Variants in CEP112 observed in about 807,000 individuals in gnomAD.
CEP112 encodes the protein centrosomal protein 112.
A neutral mutation model predicts 153.0 loss-of-function variants in CEP112; 127 were observed. That is an observed-to-expected ratio of 0.83 (90% CI 0.72 to 0.96). CEP112 has a LOEUF of 0.96. Ranked by LOEUF, CEP112 falls within the 40% of genes least tolerant of loss-of-function variation. The pLI is 0.00. For synonymous variants in CEP112, 358 were observed against 374.4 expected (o/e 0.96, Z 0.51); for missense variants, 1,089 against 1,101.2 (o/e 0.99, Z 0.16).
intron 21 of CEP112, among the ~76,000 whole-genome samples, chr17:65,770,254 C>T (rs2053260658): frequency 6.6e-6 from 1 of 151,546 alleles, no homozygotes; most frequent in Non-Finnish European, 1.5e-5. Flanking sequence ...TATAAGAAGC[C>T]AGAGAAAACA....
intron 23 of CEP112, among the ~76,000 whole-genome samples, chr17:65,736,434 G>A (rs78994537): frequency 0.01 from 1,523 of 152,194 alleles, 26 homozygotes; most frequent in African/African-American, 0.035. Flanking sequence ...TCAGAAATGC[G>A]GATTGAGGGC....
At chr17:66,014,160 G>T (rs2145550904) in intron 16 of CEP112, among the ~76,000 whole-genome samples, 1 of 152,354 alleles carries the variant, frequency 6.6e-6, no homozygotes, top group South Asian at 2.1e-4. Flanking sequence ...GGCCTTGGGT[G>T]AGTGCTTGCT....
intron 8 of CEP112, among the ~76,000 whole-genome samples, chr17:66,085,626 A>G (rs2067892380): frequency 6.6e-6 from 1 of 152,240 alleles, no homozygotes; most frequent in Non-Finnish European, 1.5e-5. Flanking sequence ...ATTATGAATA[A>G]GAATGGGGTG....
chr17:65,833,197 G>A (rs2057160072), intron 21 of CEP112, among the ~76,000 whole-genome samples: 2 of 152,106 alleles, frequency 1.3e-5, no homozygotes, highest in Non-Finnish European at 2.9e-5. Context: ...AGGCATTAAA[G>A]GACCATACCT....
intron 4 of CEP112, among the ~76,000 whole-genome samples, chr17:66,161,245 T>C (rs1474875496): frequency 1.3e-5 from 2 of 152,158 alleles, no homozygotes; most frequent in African/African-American, 4.8e-5. Flanking sequence ...GGAGTGTAAA[T>C]TAGTTCAACC....
chr17:66,103,134 A>G (rs1412601629), intron 6 of CEP112, among the ~76,000 whole-genome samples: 3 of 152,140 alleles, frequency 2.0e-5, no homozygotes, highest in African/African-American at 4.8e-5. Context: ...CTGAGGCAGG[A>G]GAACTGCTTG....
intron 20 of CEP112, among the ~76,000 whole-genome samples, chr17:65,862,968 T>C (rs965952415): frequency 6.6e-6 from 1 of 152,126 alleles, no homozygotes; most frequent in Non-Finnish European, 1.5e-5. Flanking sequence ...TAGTATTTAA[T>C]AAAGTTAATT....
chr17:65,770,342 G>T (rs2053268112), intron 21 of CEP112, among the ~76,000 whole-genome samples: 1 of 151,882 alleles, frequency 6.6e-6, no homozygotes, highest in Non-Finnish European at 1.5e-5. Flanking sequence ...TCTTTAAAGT[G>T]CTGAAATTAA....
intron 23 of CEP112, among the ~76,000 whole-genome samples, chr17:65,694,116 A>G (rs1188245460): frequency 6.6e-6 from 1 of 152,170 alleles, no homozygotes; most frequent in Non-Finnish European, 1.5e-5. Context: ...GGGTCTGAAC[A>G]GTGGGGCATG....
At chr17:65,733,990 T>C (rs2050658135) in intron 23 of CEP112, among the ~76,000 whole-genome samples, 1 of 152,218 alleles carries the variant, frequency 6.6e-6, no homozygotes, top group African/African-American at 2.4e-5. Context: ...TAATCTCTAC[T>C]TGTCTCATTC....
rs189247584 is a variant in CEP112 at position 66,083,943 on chromosome 17, T to C, written c.768+12308A>G. ...CTCTGAAAGAGATCTAATATTTAAATAGAAAAATAAAATTTTTAAATAGAC... is the reference window on the plus strand; with the variant it reads ...CTCTGAAAGAGATCTAATATTTAAACAGAAAAATAAAATTTTTAAATAGAC... On this transcript the variant is annotated intron_variant, in intron 8 of 26. Coordinates refer to ENST00000535342, the MANE Select transcript of CEP112 (RefSeq NM_001199165.4). 3.3e-5 allele frequency among the ~76,000 whole-genome samples: 5 copies of C among 152,242 alleles called. No individual in the cohort carries two copies. In the East Asian group the frequency reaches 7.7e-4, roughly 23 times the overall value.
intron 16 of CEP112, among the ~76,000 whole-genome samples, chr17:66,008,502 C>T (rs1402915269): frequency 6.6e-6 from 1 of 152,064 alleles, no homozygotes; most frequent in African/African-American, 2.4e-5. Context: ...TACAGGCATG[C>T]ACCACCACAC....
intron 4 of CEP112, among the ~76,000 whole-genome samples, chr17:66,142,923 G>C (rs971330755): frequency 1.3e-5 from 2 of 152,070 alleles, no homozygotes; most frequent in Non-Finnish European, 2.9e-5. Context: ...TGAAATTGTA[G>C]ATTGCTTTGT....
chr17:65,650,730 TAAAAAA>T (rs71361240), intron 24 of CEP112, among the ~76,000 whole-genome samples: 1 of 44,240 alleles, frequency 2.3e-5, no homozygotes, highest in Non-Finnish European at 4.0e-5. Context: ...AACTCTCTAC[TAAAAAA>T]AAAAAAAAAA....
rs141406544 is a variant in CEP112 at position 66,189,330 on chromosome 17, G to A, written c.-9+2667C>T. The stretch of plus-strand genomic sequence containing the variant: ...AGCCTGGCCAACATGGTGAAACCCC[G>A]TCTCTACTAAAAATACCAAAAAAAT... On this transcript the variant is annotated intron_variant, in intron 1 of 26. Coordinates refer to ENST00000535342, the MANE Select transcript of CEP112 (RefSeq NM_001199165.4). 5.2e-4 allele frequency among the ~76,000 whole-genome samples: 79 copies of A among 151,908 alleles called. No homozygotes were observed. In the South Asian group the frequency reaches 6.0e-3, roughly 12 times the overall value.
intron 24 of CEP112, among the ~76,000 whole-genome samples, chr17:65,673,121 G>A (rs2047064608): frequency 6.6e-6 from 1 of 152,156 alleles, no homozygotes; most frequent in Non-Finnish European, 1.5e-5. Flanking sequence ...TGGAGGCTCT[G>A]GGGGAGAATT....
In CEP112 at chr17:65,940,888, A is replaced by G. The variant is rs1167964666; in HGVS notation, c.1873-13199T>C. ...GTAAGAGAGTATATTTCAAATAGTCACCACAAAAAACCAGTAAATGAGGTT... is the reference window on the plus strand; with the variant it reads ...GTAAGAGAGTATATTTCAAATAGTCGCCACAAAAAACCAGTAAATGAGGTT... On this transcript the variant is annotated intron_variant, in intron 18 of 26. Coordinates refer to ENST00000535342, the MANE Select transcript of CEP112 (RefSeq NM_001199165.4). Among the ~76,000 whole-genome samples, 13 of 152,298 alleles carry G rather than the reference A, an allele frequency of 8.5e-5. No homozygotes were observed. In the East Asian group the frequency reaches 2.5e-3, roughly 29 times the overall value.
chr17:66,123,437 C>T (rs549821010), intron 6 of CEP112, among the ~76,000 whole-genome samples: 1 of 152,192 alleles, frequency 6.6e-6, no homozygotes, highest in African/African-American at 2.4e-5. Flanking sequence ...GGAGAAGGAA[C>T]AGGGGAAAAG....
intron 18 of CEP112, among the ~76,000 whole-genome samples, chr17:65,961,158 T>C (rs926764867): frequency 3.3e-5 from 5 of 152,238 alleles, no homozygotes; most frequent in South Asian, 2.1e-4. Flanking sequence ...CTGGAGCCCC[T>C]GCTCTAAAGA....
Sources: allele counts gnomAD v4.1 joint callset (sites outside exome capture counted in the v4.1 genomes callset), GRCh38; gene constraint gnomAD v4.1.1; transcripts MANE v1.5; gene names NCBI Gene and HGNC (gene_info 2026-07-23, HGNC 2026-07-21).